Variants in FBXL17 observed in about 807,000 individuals in gnomAD.
FBXL17 encodes F-box and leucine rich repeat protein 17, also known as F-box/LRR-repeat protein 17.
A neutral mutation model predicts 66.2 loss-of-function variants in FBXL17; 22 were observed. The ratio of observed to expected loss-of-function variants is 0.33; its 90% CI spans 0.24 to 0.47. The LOEUF is 0.47. Among genes scored for constraint, FBXL17 ranks in the 20% least tolerant of loss-of-function variants. The pLI, the probability that FBXL17 is intolerant of heterozygous loss-of-function variation, is 1.00. For synonymous variants in FBXL17, 474 were observed against 400.5 expected (o/e 1.18, Z -2.19); for missense variants, 878 against 948.2 (o/e 0.93, Z 0.97).
chr5:108,348,337 C>A (rs1312315918), intron 4 of FBXL17, 62 bp downstream of exon 4: 7 of 1,417,672 alleles, frequency 4.9e-6, no homozygotes, highest in Non-Finnish European at 6.7e-6. Flanking sequence ...TATAAATAAA[C>A]TTGAAAGAAT....
At chr5:108,300,050 T>C (rs1372275585) in intron 4 of FBXL17, among the ~76,000 whole-genome samples, 1 of 152,080 alleles carries the variant, frequency 6.6e-6, no homozygotes, top group Non-Finnish European at 1.5e-5. Flanking sequence ...AAACCAGAAA[T>C]AGATAATCAT....
chr5:108,170,348 TGATAA>T (rs1179221014), intron 6 of FBXL17, among the ~76,000 whole-genome samples: 6 of 152,126 alleles, frequency 3.9e-5, no homozygotes, highest in Non-Finnish European at 7.4e-5. Flanking sequence ...TAAATGGGTA[TGATAA>T]GATATTATAT....
intron 4 of FBXL17, among the ~76,000 whole-genome samples, chr5:108,346,496 TA>T (rs1365089034): frequency 6.6e-6 from 1 of 152,096 alleles, no homozygotes; most frequent in Non-Finnish European, 1.5e-5. Flanking sequence ...TGATTGCCAA[TA>T]AAACTATTTC....
intron 7 of FBXL17, among the ~76,000 whole-genome samples, chr5:107,920,243 C>T (rs1201119922): frequency 6.6e-6 from 1 of 152,152 alleles, no homozygotes; most frequent in East Asian, 1.9e-4. Context: ...TCGCTGTTGT[C>T]ACCTGGGCTG....
chr5:107,913,619 C>T (rs191927871), intron 7 of FBXL17, among the ~76,000 whole-genome samples: 14 of 152,164 alleles, frequency 9.2e-5, no homozygotes, highest in African/African-American at 3.1e-4. Context: ...CAACTCTTGA[C>T]TGCACTGCAT....
At chr5:108,301,710 G>A (rs1398450192) in intron 4 of FBXL17, among the ~76,000 whole-genome samples, 2 of 151,562 alleles carry the variant, frequency 1.3e-5, no homozygotes, top group African/African-American at 2.4e-5. Flanking sequence ...ATCAGTCATT[G>A]GTATAAATGA....
At chr5:108,043,671 CT>C (rs1161743778) in intron 6 of FBXL17, among the ~76,000 whole-genome samples, 2 of 152,166 alleles carry the variant, frequency 1.3e-5, no homozygotes, top group African/African-American at 2.4e-5. Context: ...ATTCCCCCAA[CT>C]TCACTGTTTT....
intron 7 of FBXL17, among the ~76,000 whole-genome samples, chr5:107,902,221 CA>C (rs936545916): frequency 3.0e-4 from 45 of 152,232 alleles, no homozygotes; most frequent in African/African-American, 1.1e-3. Flanking sequence ...TGTTTTTCAG[CA>C]GTTCCGAAGT....
intron 5 of FBXL17, among the ~76,000 whole-genome samples, chr5:108,211,171 T>C (rs1049628133): frequency 2.6e-5 from 4 of 152,206 alleles, no homozygotes; most frequent in African/African-American, 9.7e-5. Flanking sequence ...TCCATTTGCT[T>C]GGTAAATATT....
Position 108,317,155 on chromosome 5 carries a change from C to A in FBXL17, c.1506+31244G>T, listed in dbSNP as rs909255402. 3.3e-5 allele frequency among the ~76,000 whole-genome samples: 5 copies of A among 151,222 alleles called. No individual in the cohort carries two copies. The Admixed American group carries it at 3.3e-4, about 10-fold the overall frequency. On this transcript the variant is annotated intron_variant, in intron 4 of 8. Coordinates refer to ENST00000542267, the MANE Select transcript of FBXL17 (RefSeq NM_001163315.3). ...GCTTTCTTCTGTATTATGTTTTCCA[C>A]TACAAGGTTTTATAAAACATGTAAA...
intron 4 of FBXL17, among the ~76,000 whole-genome samples, chr5:108,344,979 A>G (rs1036298973): frequency 6.6e-6 from 1 of 152,178 alleles, no homozygotes; most frequent in Non-Finnish European, 1.5e-5. Flanking sequence ...ATGTAGGTAC[A>G]TGACACCTGT....
Position 108,082,946 on chromosome 5 carries a change from C to G in FBXL17, c.1746-61945G>C, listed in dbSNP as rs972308150. 2.6e-5 allele frequency among the ~76,000 whole-genome samples: 4 copies of G among 152,042 alleles called. No individual in the cohort carries two copies. The East Asian group carries it at 5.8e-4, about 22-fold the overall frequency. ...AAAATTTGTAATTTAAAGAAATGTA[C>G]TTTTCAATCAGCTATTTACATTTGT... On this transcript the variant is annotated intron_variant, in intron 6 of 8. Transcript: ENST00000542267.
At chr5:107,902,619 G>T (rs1749607526) in intron 7 of FBXL17, among the ~76,000 whole-genome samples, 1 of 152,090 alleles carries the variant, frequency 6.6e-6, no homozygotes, top group Non-Finnish European at 1.5e-5. Context: ...TATCTCAGAG[G>T]CTGTTCTCCT....
intron 4 of FBXL17, among the ~76,000 whole-genome samples, chr5:108,229,188 C>A (rs1755221536): frequency 6.6e-6 from 1 of 151,970 alleles, no homozygotes; most frequent in African/African-American, 2.4e-5. Flanking sequence ...TCATTCTTCA[C>A]AAAACTAGAA....
intron 6 of FBXL17, among the ~76,000 whole-genome samples, chr5:108,082,592 CT>C (rs1748811975): frequency 6.6e-6 from 1 of 151,244 alleles, no homozygotes; most frequent in East Asian, 1.9e-4. Context: ...TTCAACTTTT[CT>C]TTTTTCCAGT....
intron 7 of FBXL17, among the ~76,000 whole-genome samples, chr5:107,903,591 C>T (rs1299906066): frequency 6.6e-6 from 1 of 152,144 alleles, no homozygotes; most frequent in East Asian, 1.9e-4. Flanking sequence ...CTAAGATTCA[C>T]ATTGAGGTCT....
intron 6 of FBXL17, among the ~76,000 whole-genome samples, chr5:108,175,544 G>A (rs938290029): frequency 6.6e-6 from 1 of 152,128 alleles, no homozygotes; most frequent in African/African-American, 2.4e-5. Flanking sequence ...ATTGTATACT[G>A]TCTTAAATTA....
At chr5:108,030,609 T>A (rs976816238) in intron 6 of FBXL17, among the ~76,000 whole-genome samples, 1 of 152,134 alleles carries the variant, frequency 6.6e-6, no homozygotes, top group African/African-American at 2.4e-5. Context: ...GTCTGCATAA[T>A]CAACAAACCA....
At chr5:107,880,318 A>G (rs1364811120) in intron 8 of FBXL17, 1 of 952,358 alleles carries the variant, frequency 1.1e-6, no homozygotes, top group Non-Finnish European at 1.3e-6. Context: ...GGCTCAAGTG[A>G]TCCTTCTGCC....
Sources: allele counts gnomAD v4.1 joint callset (sites outside exome capture counted in the v4.1 genomes callset), GRCh38; gene constraint gnomAD v4.1.1; transcripts MANE v1.5; gene names NCBI Gene and HGNC (gene_info 2026-07-23, HGNC 2026-07-21).